CDH4: variants seen among roughly 807,000 people sequenced by gnomAD.
CDH4 encodes cadherin-4.
CDH4 carries 33 observed loss-of-function variants against 86.0 expected under a neutral mutation model. The observed-to-expected ratio is 0.38, with a 90% confidence interval of 0.29 to 0.51. The LOEUF (loss-of-function observed/expected upper bound fraction) is 0.51, where lower values mean the gene tolerates loss of function less well. CDH4 is among the 20% of genes least tolerant of loss of function. The pLI is 0.86. For missense variants in CDH4, 1,114 were observed against 1,307.4 expected, an observed-to-expected ratio of 0.85 and a Z score of 2.28; for synonymous variants, 555 against 549.4, an observed-to-expected ratio of 1.01 and a Z score of -0.14.
At chr20:61,659,520 C>G (rs898942749) in intron 2 of CDH4, among the ~76,000 whole-genome samples, 1 of 151,266 alleles carries the variant, frequency 6.6e-6, no homozygotes, top group Non-Finnish European at 1.5e-5. Context: ...AGGGTCTCAG[C>G]GGCTTGGAGA....
At chr20:61,726,846 C>T (rs2088119022) in intron 2 of CDH4, among the ~76,000 whole-genome samples, 1 of 150,926 alleles carries the variant, frequency 6.6e-6, no homozygotes, top group Non-Finnish European at 1.5e-5. Context: ...CCATCATCAC[C>T]ATCACTGCCA....
intron 2 of CDH4, among the ~76,000 whole-genome samples, chr20:61,632,587 A>C (rs1045936238): frequency 6.7e-6 from 1 of 150,166 alleles, no homozygotes; most frequent in Non-Finnish European, 1.5e-5. Context: ...GGCAGCCCCC[A>C]CTCTACCCTC....
At chr20:61,661,087 G>GGGA (rs1015928068) in intron 2 of CDH4, among the ~76,000 whole-genome samples, 1 of 141,736 alleles carries the variant, frequency 7.1e-6, no homozygotes, top group African/African-American at 2.8e-5. Context: ...GGCATGGCGG[G>GGGA]GGGGGGGGAG....
chr20:61,790,283 C>T (rs940067839), intron 4 of CDH4, among the ~76,000 whole-genome samples: 7 of 151,740 alleles, frequency 4.6e-5, no homozygotes, highest in Non-Finnish European at 7.4e-5. Flanking sequence ...TTCATTCATG[C>T]ATCCACACAT....
intron 2 of CDH4, among the ~76,000 whole-genome samples, chr20:61,675,296 C>T (rs1324449549): frequency 7.1e-6 from 1 of 140,400 alleles, no homozygotes; most frequent in Non-Finnish European, 1.6e-5. Flanking sequence ...CCCATGGAAA[C>T]AACCATCGTA....
intron 2 of CDH4, among the ~76,000 whole-genome samples, chr20:61,282,984 C>CGT (rs375382276): frequency 1.8e-3 from 15 of 8,570 alleles, no homozygotes; most frequent in African/African-American, 3.9e-3. Flanking sequence ...CGTGCTGTGG[C>CGT]GTGTGATGTA....
intron 2 of CDH4, among the ~76,000 whole-genome samples, chr20:61,273,375 A>G (rs1244316799): frequency 0.021 from 551 of 25,714 alleles, no homozygotes; most frequent in Middle Eastern, 0.1. Flanking sequence ...TGTGCAGTTT[A>G]GGGGAGTACC....
intron 3 of CDH4, among the ~76,000 whole-genome samples, chr20:61,756,268 C>T (rs1033457546): frequency 7.2e-5 from 11 of 152,186 alleles, no homozygotes; most frequent in African/African-American, 2.4e-4. Flanking sequence ...CTCGGCTTCT[C>T]CTTGCCTCCG....
intron 9 of CDH4, among the ~76,000 whole-genome samples, chr20:61,922,783 C>G (rs1015817277): frequency 2.0e-5 from 3 of 152,142 alleles, no homozygotes. Context: ...TTTTGGAGAG[C>G]CTTGCTCTGT....
At chr20:61,920,375 G>GT (rs11473790) in intron 9 of CDH4, among the ~76,000 whole-genome samples, 2 of 141,122 alleles carry the variant, frequency 1.4e-5, no homozygotes. Context: ...TGTCGTGATT[G>GT]GAAGCGTGGT....
chr20:61,534,244 AGT>A (rs1261620862), intron 2 of CDH4, among the ~76,000 whole-genome samples: 1 of 152,144 alleles, frequency 6.6e-6, no homozygotes, highest in Non-Finnish European at 1.5e-5. Context: ...TATGATTGAG[AGT>A]GTTCCATTTT....
chr20:61,441,977 T>C (rs1360991699), intron 2 of CDH4, among the ~76,000 whole-genome samples: 1 of 152,236 alleles, frequency 6.6e-6, no homozygotes, highest in Non-Finnish European at 1.5e-5. Context: ...GTGGAAACTC[T>C]TGCAGATTTC....
At chr20:61,827,412 G>C (rs542269797) in intron 4 of CDH4, among the ~76,000 whole-genome samples, 1 of 152,206 alleles carries the variant, frequency 6.6e-6, no homozygotes, top group East Asian at 1.9e-4. Flanking sequence ...TTTTGAGACT[G>C]TTGTTTGTGT....
At chr20:61,412,207 TGAAC>T (rs2085123391) in intron 2 of CDH4, among the ~76,000 whole-genome samples, 1 of 152,094 alleles carries the variant, frequency 6.6e-6, no homozygotes, top group Non-Finnish European at 1.5e-5. Context: ...CAGACCAAAG[TGAAC>T]TTCAGCAAAC....
In CDH4 at chr20:61,324,113, C is replaced by T. The variant is rs1316763844; in HGVS notation, c.169+69176C>T. On this transcript the variant is annotated intron_variant, in intron 2 of 15. Coordinates refer to ENST00000614565, the MANE Select transcript of CDH4 (RefSeq NM_001794.5). ...CAAGGGTGTGGGAGTGTGTGCGATA[C>T]TGAGTAGGGACCCAGATCGTCCAAA... Among the ~76,000 whole-genome samples, 3 of 152,108 alleles carry T rather than the reference C, an allele frequency of 2.0e-5. 1 individual carries two copies. Among genetic ancestry groups the T allele is most frequent in the African/African-American group, 7.2e-5 (3 of 41,410 alleles).
chr20:61,429,073 C>T (rs989004807), intron 2 of CDH4, among the ~76,000 whole-genome samples: 2 of 143,520 alleles, frequency 1.4e-5, no homozygotes, highest in African/African-American at 2.5e-5. Context: ...CTTATGTTAC[C>T]GTCATAAGTT....
intron 4 of CDH4, among the ~76,000 whole-genome samples, chr20:61,816,905 T>G (rs1182541839): frequency 6.6e-6 from 1 of 152,226 alleles, no homozygotes. Flanking sequence ...TCCCTGTGTG[T>G]GCCACCCATT....
chr20:61,849,907 T>C (rs1380318378), intron 5 of CDH4, among the ~76,000 whole-genome samples: 1 of 152,234 alleles, frequency 6.6e-6, no homozygotes, highest in Non-Finnish European at 1.5e-5. Context: ...GACCAGCACC[T>C]GACATCCTTG....
intron 6 of CDH4, among the ~76,000 whole-genome samples, chr20:61,863,286 C>G (rs1983408379): frequency 6.6e-6 from 1 of 152,208 alleles, no homozygotes; most frequent in African/African-American, 2.4e-5. Context: ...CACCTGCAGC[C>G]GGGGCGGGGG....
Sources: allele counts gnomAD v4.1 joint callset (sites outside exome capture counted in the v4.1 genomes callset), GRCh38; gene constraint gnomAD v4.1.1; transcripts MANE v1.5; gene names NCBI Gene and HGNC (gene_info 2026-07-23, HGNC 2026-07-21).